SPATS2: variants seen among roughly 807,000 people sequenced by gnomAD.
SPATS2 encodes the protein spermatogenesis-associated serine-rich protein 2.
A neutral mutation model predicts 63.7 loss-of-function variants in SPATS2; 38 were observed. The observed-to-expected ratio is 0.60, with a 90% CI of 0.46 to 0.78. The LOEUF (loss-of-function observed/expected upper bound fraction) is 0.78, where lower values mean the gene tolerates loss of function less well. Ranked by LOEUF, SPATS2 falls within the 30% of genes least tolerant of loss-of-function variation. SPATS2 has a pLI of 0.00. For synonymous variants in SPATS2, 207 were observed against 232.9 expected, an observed-to-expected ratio of 0.89 and a Z score of 1.01; for missense variants, 588 against 666.2, an observed-to-expected ratio of 0.88 and a Z score of 1.29.
intron 3 of SPATS2, among the ~76,000 whole-genome samples, chr12:49,479,228 C>A (rs1312199841): frequency 6.6e-6 from 1 of 152,200 alleles, no homozygotes; most frequent in African/African-American, 2.4e-5. Context: ...AGTCACTACC[C>A]GAGTATGCTG....
intron 3 of SPATS2, among the ~76,000 whole-genome samples, chr12:49,483,934 G>T (rs1946247802): frequency 6.6e-6 from 1 of 152,216 alleles, no homozygotes; most frequent in Non-Finnish European, 1.5e-5. Flanking sequence ...AAGCTATTGA[G>T]TGTTAAAGCT....
intron 9 of SPATS2, among the ~76,000 whole-genome samples, chr12:49,506,941 G>A (rs1946664413): frequency 6.6e-6 from 1 of 152,086 alleles, no homozygotes; most frequent in Non-Finnish European, 1.5e-5. Context: ...TAAAGGCTAT[G>A]TAACAGAGAA....
intron 2 of SPATS2, among the ~76,000 whole-genome samples, chr12:49,455,867 G>A (rs559523071): frequency 2.0e-4 from 31 of 152,196 alleles, no homozygotes; most frequent in African/African-American, 7.5e-4. Flanking sequence ...AGCAGTCCCC[G>A]CACCTTGGCC....
chr12:49,483,138 A>C (rs754494828), intron 3 of SPATS2, among the ~76,000 whole-genome samples: 18 of 118,618 alleles, frequency 1.5e-4, no homozygotes, highest in Admixed American at 2.6e-4. Flanking sequence ...TTGTTAAAGG[A>C]AAAAAAAAAA....
chr12:49,500,638 G>A (rs1054568878), intron 9 of SPATS2, among the ~76,000 whole-genome samples: 2 of 152,072 alleles, frequency 1.3e-5, no homozygotes, highest in Non-Finnish European at 2.9e-5. Context: ...TGGGTGTGGT[G>A]GCGCGCGCCT....
intron 12 of SPATS2, among the ~76,000 whole-genome samples, chr12:49,524,085 A>AT (rs1267134441): frequency 6.6e-6 from 1 of 152,222 alleles, no homozygotes; most frequent in East Asian, 1.9e-4. Context: ...AACTGAAAAT[A>AT]TTAATATTTT....
Position 49,499,468 on chromosome 12 carries a change from G to GT in SPATS2, c.704-592dup, listed in dbSNP as rs372156446. On this transcript the variant is annotated intron_variant, in intron 8 of 13. Transcript: ENST00000552918. Reference sequence around the variant, plus strand: ...TTTGGTGGTTCTTTGGTTTTGTTTTGTTTTTTTTTTGCCTGTTGTCTTTCC... The same window carrying GT: ...TTTGGTGGTTCTTTGGTTTTGTTTTGTTTTTTTTTTTGCCTGTTGTCTTTCC... 2.0e-3 allele frequency among the ~76,000 whole-genome samples: 293 copies of GT among 146,152 alleles called. 1 individual carries two copies. The highest frequency in any genetic ancestry group is 0.019 in the South Asian group (87 of 4,574).
intron 2 of SPATS2, among the ~76,000 whole-genome samples, chr12:49,425,824 G>T (rs1363075418): frequency 6.6e-6 from 1 of 151,592 alleles, no homozygotes; most frequent in Admixed American, 6.6e-5. Flanking sequence ...TAGAGACGGG[G>T]GTTTCACCAC....
intron 2 of SPATS2, among the ~76,000 whole-genome samples, chr12:49,456,161 A>C (rs546778833): frequency 3.9e-5 from 6 of 152,310 alleles, no homozygotes; most frequent in Non-Finnish European, 5.9e-5. Flanking sequence ...CTGCCTTGGT[A>C]GAACTACCTT....
At chr12:49,498,793 T>G (rs1056542721) in intron 8 of SPATS2, among the ~76,000 whole-genome samples, 1 of 148,918 alleles carries the variant, frequency 6.7e-6, no homozygotes, top group Non-Finnish European at 1.5e-5. Context: ...GGTATCTATT[T>G]TTTTTTTTTT....
intron 4 of SPATS2, among the ~76,000 whole-genome samples, chr12:49,488,627 C>A (rs1946334794): frequency 6.6e-6 from 1 of 152,020 alleles, no homozygotes; most frequent in African/African-American, 2.4e-5. Context: ...CTCTGCACTC[C>A]AGCCTGGGTG....
At chr12:49,393,263 C>T (rs1048537694) in intron 2 of SPATS2, among the ~76,000 whole-genome samples, 5 of 152,144 alleles carry the variant, frequency 3.3e-5, no homozygotes, top group Non-Finnish European at 7.4e-5. Flanking sequence ...TTCCCACTCA[C>T]TACTTTTCAT....
chr12:49,438,537 A>C (rs914383531), intron 2 of SPATS2, among the ~76,000 whole-genome samples: 1 of 152,186 alleles, frequency 6.6e-6, no homozygotes, highest in Admixed American at 6.5e-5. Context: ...TTTCCATTCT[A>C]CGTTCCCATG....
chr12:49,435,192 G>A (rs555312110), intron 2 of SPATS2, among the ~76,000 whole-genome samples: 13 of 151,672 alleles, frequency 8.6e-5, no homozygotes, highest in African/African-American at 1.5e-4. Flanking sequence ...CACCATACCC[G>A]GCTAATTTTT....
At chr12:49,460,249 A>G (rs1945798609) in intron 2 of SPATS2, among the ~76,000 whole-genome samples, 2 of 152,184 alleles carry the variant, frequency 1.3e-5, no homozygotes, top group Non-Finnish European at 2.9e-5. Flanking sequence ...AGGTAAAGAG[A>G]TAGAGACTAT....
intron 2 of SPATS2, among the ~76,000 whole-genome samples, chr12:49,426,571 A>T (rs924704054): frequency 6.6e-6 from 1 of 151,966 alleles, no homozygotes; most frequent in African/African-American, 2.4e-5. Context: ...TTTGAGACAG[A>T]GTCTCGCTGT....
intron 2 of SPATS2, among the ~76,000 whole-genome samples, chr12:49,399,817 C>T (rs1478385400): frequency 2.0e-5 from 3 of 152,044 alleles, no homozygotes; most frequent in African/African-American, 7.2e-5. Flanking sequence ...GCAGGCGGAT[C>T]ACGAGGTCAG....
Position 49,500,055 on chromosome 12 carries a change from G to GT in SPATS2, c.704-8dup, listed in dbSNP as rs750594094. The GT allele has an allele frequency of 4.1e-5, 58 of 1,418,506 alleles. No individual in the cohort carries two copies. Among genetic ancestry groups the GT allele is most frequent in the African/African-American group, 2.6e-4 (17 of 66,176 alleles). 87.9% of individuals were successfully genotyped at this position (1,418,506 alleles called of 1,614,324 possible). A position where few individuals can be genotyped will look rare whatever the true frequency, so the allele number is the denominator to read the frequency against. ...TTCTTTTTTTTTTTTTAATATTTCG[G>GT]TTTTTTTCCCCAAGGTTCCAATATT... On this transcript the variant is annotated splice_polypyrimidine_tract_variant and intron_variant, in intron 8 of 13. Transcript: ENST00000552918.
intron 3 of SPATS2, among the ~76,000 whole-genome samples, chr12:49,482,497 C>G (rs912431711): frequency 5.9e-5 from 9 of 152,186 alleles, no homozygotes; most frequent in African/African-American, 2.2e-4. Context: ...TCCTCACACT[C>G]AAGTCTCAAG....
Sources: gnomAD v4.1 joint callset for allele counts (sites outside exome capture counted in the v4.1 genomes callset) on GRCh38, gnomAD v4.1.1 for gene constraint, MANE v1.5 for transcripts, NCBI Gene and HGNC (gene_info 2026-07-23, HGNC 2026-07-21) for gene names.